ZMYM2: variants seen among roughly 807,000 people sequenced by gnomAD.
ZMYM2 encodes zinc finger MYM-type containing 2.
A neutral mutation model predicts 162.8 loss-of-function variants in ZMYM2; 56 were observed. The ratio of observed to expected loss-of-function variants is 0.34; its 90% CI spans 0.28 to 0.43. The LOEUF (loss-of-function observed/expected upper bound fraction) is 0.43, where lower values mean the gene tolerates loss of function less well. ZMYM2 is among the 20% of genes least tolerant of loss of function. The pLI is 1.00. For missense variants in ZMYM2, 1,275 were observed against 1,621.8 expected, an observed-to-expected ratio of 0.79 and a Z score of 3.67; for synonymous variants, 510 against 541.6, an observed-to-expected ratio of 0.94 and a Z score of 0.81.
chr13:20,003,915 C>CTGGG (rs1950562437), intron 4 of ZMYM2, among the ~76,000 whole-genome samples: 2 of 152,194 alleles, frequency 1.3e-5, no homozygotes, highest in South Asian at 2.1e-4. Flanking sequence ...TCCCAAAGTG[C>CTGGG]TGGGATTATA....
the ZMYM2 span, among the ~76,000 whole-genome samples, chr13:19,891,224 A>G: frequency 6.6e-6 from 1 of 151,846 alleles, no homozygotes; most frequent in Non-Finnish European, 1.5e-5. Flanking sequence ...AAGAGATATA[A>G]GAGAGCTTTC....
intron 4 of ZMYM2, among the ~76,000 whole-genome samples, chr13:20,004,053 A>G (rs1950572015): frequency 6.6e-6 from 1 of 152,176 alleles, no homozygotes; most frequent in South Asian, 2.1e-4. Flanking sequence ...CATATCTTGG[A>G]GCAGCTCAAT....
intron 12 of ZMYM2, among the ~76,000 whole-genome samples, chr13:20,037,275 G>A (rs1163401060): frequency 6.9e-6 from 1 of 144,464 alleles, no homozygotes; most frequent in Non-Finnish European, 1.5e-5. Flanking sequence ...GAGTGCAGTG[G>A]CACCATCTCG....
In ZMYM2 at chr13:20,067,353, C is replaced by T. The variant is rs1486842237; in HGVS notation, c.3416C>T (p.Pro1139Leu). The T allele has an allele frequency of 6.2e-7, 1 of 1,610,954 alleles. No homozygotes were observed. Among genetic ancestry groups the T allele is most frequent in the East Asian group, 2.2e-5 (1 of 44,842 alleles). ...IRRPNGENYA[P>L]DSIYYLCLGI... is the part of the protein sequence containing the mutation. ...CGGCCAAATGGAGAGAATTATGCAC[C>T]TGACAGCATCTATTACCTTTGCCTT... The change falls in exon 21 of 25, where the codon CCT becomes CTT. Residue 1139 changes from proline to leucine, a missense_variant. Pro to Leu is a moderately conservative substitution (Grantham distance 98, BLOSUM62 -3). Coordinates refer to ENST00000610343, the MANE Select transcript of ZMYM2 (RefSeq NM_197968.4).
intron 12 of ZMYM2, among the ~76,000 whole-genome samples, chr13:20,046,581 ATGTGTGTG>A (rs1249162923): frequency 6.0e-5 from 7 of 117,514 alleles, no homozygotes; most frequent in Admixed American, 2.0e-4. Context: ...ATATATATAT[ATGTGTGTG>A]TGTGTGTGTG....
chr13:19,996,253 T>G (rs1950010352), intron 3 of ZMYM2, among the ~76,000 whole-genome samples: 1 of 152,332 alleles, frequency 6.6e-6, no homozygotes, highest in South Asian at 2.1e-4. Context: ...TAATGTCTGA[T>G]TATTGAAGAC....
At chr13:20,031,241 C>A in intron 9 of ZMYM2, 78 bp from the exon 10 acceptor site, 1 of 983,558 alleles carries the variant, frequency 1.0e-6, no homozygotes, top group Non-Finnish European at 1.5e-6. Context: ...TTCTGGACAT[C>A]GTAGATATAT....
the ZMYM2 span, among the ~76,000 whole-genome samples, chr13:19,876,485 C>A: frequency 2.0e-5 from 3 of 151,916 alleles, no homozygotes; most frequent in Admixed American, 2.0e-4. Flanking sequence ...ACTACACTGG[C>A]TAAGTTTTTA....
chr13:19,893,458 C>G, the ZMYM2 span, among the ~76,000 whole-genome samples: 1 of 151,734 alleles, frequency 6.6e-6, no homozygotes, highest in African/African-American at 2.4e-5. Flanking sequence ...CAAATATAGT[C>G]CAGGCACGGT....
At chr13:20,008,430 C>A (rs995474305) in intron 6 of ZMYM2, among the ~76,000 whole-genome samples, 2 of 152,254 alleles carry the variant, frequency 1.3e-5, no homozygotes, top group African/African-American at 4.8e-5. Flanking sequence ...CATTCCCGCC[C>A]AATTGTTGTT....
the ZMYM2 span, among the ~76,000 whole-genome samples, chr13:19,883,091 A>G: frequency 6.6e-6 from 1 of 152,344 alleles, no homozygotes; most frequent in East Asian, 1.9e-4. Context: ...GTATTTATGT[A>G]TGCTACAACA....
chr13:19,863,981 C>T, the ZMYM2 span: 3 of 151,900 alleles, frequency 2.0e-5, no homozygotes, highest in African/African-American at 7.3e-5. Flanking sequence ...CCCCTCGGGG[C>T]CCGGGGCTCT....
chr13:20,010,135 C>T (rs1431144992), intron 6 of ZMYM2, among the ~76,000 whole-genome samples: 2 of 152,104 alleles, frequency 1.3e-5, no homozygotes, highest in African/African-American at 4.8e-5. Context: ...GGTGGTATCT[C>T]ATGGTTTTGA....
intron 12 of ZMYM2, among the ~76,000 whole-genome samples, chr13:20,051,094 G>T (rs1690192409): frequency 6.6e-6 from 1 of 151,882 alleles, no homozygotes; most frequent in Non-Finnish European, 1.5e-5. Flanking sequence ...ATGATTGTAG[G>T]AGACAATTCT....
the ZMYM2 span, among the ~76,000 whole-genome samples, chr13:19,885,189 G>A: frequency 2.6e-5 from 4 of 152,134 alleles, no homozygotes; most frequent in Non-Finnish European, 5.9e-5. Flanking sequence ...TGGGAGAATC[G>A]CTGCAGCCCA....
At chr13:19,959,894 G>A (rs747453090) in intron 1 of ZMYM2, 64 bp from the exon 2 acceptor site, 1 of 152,238 alleles carries the variant, frequency 6.6e-6, no homozygotes, top group African/African-American at 2.4e-5. Context: ...CTGGCAGAAA[G>A]GGTTGGGTTC....
chr13:20,049,438 C>T (rs903111934), intron 12 of ZMYM2, among the ~76,000 whole-genome samples: 2 of 151,826 alleles, frequency 1.3e-5, no homozygotes, highest in African/African-American at 4.8e-5. Context: ...ATTGTATAAA[C>T]GGAAATACTA....
chr13:19,939,402 AT>A, the ZMYM2 span, among the ~76,000 whole-genome samples: 7 of 152,082 alleles, frequency 4.6e-5, no homozygotes, highest in Admixed American at 4.6e-4. Flanking sequence ...TGTTATATAT[AT>A]GTTTCTGTAT....
chr13:19,868,502 T>C, the ZMYM2 span, among the ~76,000 whole-genome samples: 3 of 152,168 alleles, frequency 2.0e-5, no homozygotes, highest in Admixed American at 6.5e-5. Context: ...TTTCAAACCA[T>C]TGTTTTCTTT....
Sources: allele counts gnomAD v4.1 joint callset (sites outside exome capture counted in the v4.1 genomes callset), GRCh38; gene constraint gnomAD v4.1.1; transcripts MANE v1.5; gene names NCBI Gene and HGNC (gene_info 2026-07-23, HGNC 2026-07-21).